The following CYP2S1 variants were observed in gnomAD, a reference collection of about 807,000 sequenced individuals.
CYP2S1 encodes cytochrome P450 2S1.
CYP2S1 carries 32 observed loss-of-function variants against 43.5 expected under a neutral mutation model. That is an observed-to-expected ratio of 0.74 (90% CI 0.56 to 0.99). The LOEUF is 0.99. Among genes scored for constraint, CYP2S1 ranks in the 50% least tolerant of loss-of-function variants. The pLI is 0.00. For missense variants in CYP2S1, 575 were observed against 673.9 expected, an observed-to-expected ratio of 0.85 and a Z score of 1.62; for synonymous variants, 283 against 302.9, an observed-to-expected ratio of 0.93 and a Z score of 0.68.
rs748581103 is a variant in CYP2S1 at position 41,206,714 on chromosome 19, G to T, written c.*226G>T. ...CAACTACAAGGGCCACAAAGCAACT[G>T]CTGGGTTAGCTTTCCACAGACATAA... On this transcript the variant is annotated 3_prime_UTR_variant, in exon 9 of 9. Coordinates refer to ENST00000310054, the MANE Select transcript of CYP2S1 (RefSeq NM_030622.8). 1.3e-6 allele frequency: 1 copy of T among 758,746 alleles called. No individual in the cohort carries two copies. Among genetic ancestry groups the T allele is most frequent in the Non-Finnish European group, 2.4e-6 (1 of 416,086 alleles). The allele number at this position is 758,746 out of a possible 1,614,324, so 47.0% of individuals were successfully genotyped here.
chr19:41,202,487 G>C (rs2033502395), intron 6 of CYP2S1, among the ~76,000 whole-genome samples: 1 of 152,116 alleles, frequency 6.6e-6, no homozygotes, highest in African/African-American at 2.4e-5. Context: ...GGGTGCTATG[G>C]GAATTAAGAA....
intron 1 of CYP2S1, chr19:41,193,843 GA>G: frequency 5.9e-6 from 1 of 169,906 alleles, no homozygotes; most frequent in Non-Finnish European, 1.2e-5. Context: ...GCACAAAGAA[GA>G]AAAGGGGGAG....
At chr19:41,195,654 C>G (rs758551930) in intron 2 of CYP2S1, among the ~76,000 whole-genome samples, 1 of 152,014 alleles carries the variant, frequency 6.6e-6, no homozygotes, top group Non-Finnish European at 1.5e-5. Flanking sequence ...GAGAGGCTGT[C>G]GGAGCTGAGA....
Position 41,206,667 on chromosome 19 carries a change from T to A in CYP2S1, c.*179T>A, listed in dbSNP as rs2122173059. The A allele has an allele frequency of 1.2e-6, 1 of 842,192 alleles. No individual in the cohort carries two copies. The highest frequency in any genetic ancestry group is 2.4e-5 in the East Asian group (1 of 41,470). 52.2% of individuals were successfully genotyped at this position (842,192 alleles called of 1,614,324 possible). A position where few individuals can be genotyped will look rare whatever the true frequency, so the allele number is the denominator to read the frequency against. On this transcript the variant is annotated 3_prime_UTR_variant, in exon 9 of 9. Transcript: ENST00000310054. ...GCTCACTTGACTCATGCTGCTAAGA[T>A]GCACAACCGCACACCCATACACAAC...
At chr19:41,195,730 A>C (rs2033404096) in intron 2 of CYP2S1, among the ~76,000 whole-genome samples, 1 of 152,120 alleles carries the variant, frequency 6.6e-6, no homozygotes, top group African/African-American at 2.4e-5. Flanking sequence ...CATGACTTTG[A>C]GAGAAGCATT....
chr19:41,195,150 GGATTGAGT>G (rs1199825985), intron 2 of CYP2S1, among the ~76,000 whole-genome samples: 3 of 152,118 alleles, frequency 2.0e-5, no homozygotes, highest in Non-Finnish European at 1.5e-5. Context: ...CCATCATGTA[GGATTGAGT>G]GATTGAGTGA....
intron 6 of CYP2S1, among the ~76,000 whole-genome samples, chr19:41,201,687 G>A (rs994776003): frequency 6.6e-6 from 1 of 151,884 alleles, no homozygotes; most frequent in Non-Finnish European, 1.5e-5. Context: ...CTGGGCGACA[G>A]AGCGAGACAC....
At chr19:41,193,864 C>A (rs551372761) in intron 1 of CYP2S1, 46 of 160,860 alleles carry the variant, frequency 2.9e-4, no homozygotes, top group Non-Finnish European at 5.5e-4. Context: ...GGCGTCCCTG[C>A]GGGGAGTTGG....
chr19:41,196,350 G>A (rs1045463585), intron 2 of CYP2S1, among the ~76,000 whole-genome samples: 1 of 152,184 alleles, frequency 6.6e-6, no homozygotes, highest in Non-Finnish European at 1.5e-5. Context: ...TGTGAGTCAC[G>A]TCAGAGTGTT....
intron 2 of CYP2S1, among the ~76,000 whole-genome samples, chr19:41,196,357 T>A (rs1351578817): frequency 6.6e-6 from 1 of 151,246 alleles, no homozygotes; most frequent in Non-Finnish European, 1.5e-5. Flanking sequence ...CACGTCAGAG[T>A]GTTTGGGCTT....
Position 41,206,572 on chromosome 19 carries a change from A to C in CYP2S1, c.*84A>C. 6.6e-7 allele frequency: 1 copy of C among 1,522,268 alleles called. No homozygotes were observed. The highest frequency in any genetic ancestry group is 9.1e-7 in the Non-Finnish European group (1 of 1,099,364). 94.3% of individuals were successfully genotyped at this position (1,522,268 alleles called of 1,614,324 possible). ...GCATGGACAGGGTTAATGTCTCCAGAGTGTACACTGCAGGCAGCCACATTT... is the reference window on the plus strand; with the variant it reads ...GCATGGACAGGGTTAATGTCTCCAGCGTGTACACTGCAGGCAGCCACATTT... On this transcript the variant is annotated 3_prime_UTR_variant, in exon 9 of 9. Transcript: ENST00000310054.
rs1217906454 is a variant in CYP2S1, at chr19:41,194,688, G to C, written c.322G>C (p.Glu108Gln). The C allele has an allele frequency of 1.9e-6, 3 of 1,612,116 alleles. No individual in the cohort carries two copies. The South Asian group carries it at 3.3e-5, about 18-fold the overall frequency. ...FSGRGTVAMLEGTFDGHGVFF... is the reference protein window; with the variant it reads ...FSGRGTVAMLQGTFDGHGVFF... ...CGGCCGGGGAACCGTAGCGATGCTG[G>C]AAGGGACTTTTGATGGCCATGGTAA... is the stretch of plus-strand genomic sequence containing the variant. The change falls in exon 2 of 9, where the codon GAA becomes CAA. Residue 108 changes from glutamate (E) to glutamine (Q), a missense_variant. Physicochemically the swap from Glu to Gln is conservative, Grantham distance 29. Around this residue, in one of 2 missense-constraint regions of CYP2S1, gnomAD observed 353 missense variants for 367.6 expected, o/e 0.96. Coordinates refer to ENST00000310054, the MANE Select transcript of CYP2S1 (RefSeq NM_030622.8).
chr19:41,197,490 G>A (rs565604151), intron 2 of CYP2S1, among the ~76,000 whole-genome samples: 7 of 152,178 alleles, frequency 4.6e-5, no homozygotes, highest in African/African-American at 1.4e-4. Context: ...CACAAGGTCA[G>A]GAGATCGAGA....
chr19:41,198,027 C>T lies in CYP2S1; in HGVS notation c.493+99C>T, dbSNP rs2033437419. The T allele has an allele frequency of 6.9e-7, 1 of 1,453,326 alleles. No homozygotes were observed. Among genetic ancestry groups the T allele is most frequent in the Admixed American group, 2.6e-5 (1 of 37,770 alleles). The allele number at this position is 1,453,326 out of a possible 1,614,324, so 90.0% of individuals were successfully genotyped here. ...GCCCCAACCCAGGTCCTGGAATGGG[C>T]AGGAGGGGAAGCCTTGAACTCTAGG... On this transcript the variant is annotated intron_variant, in intron 3 of 8. Coordinates refer to ENST00000310054, the MANE Select transcript of CYP2S1 (RefSeq NM_030622.8). The surrounding 1 kb of genome is among the most constrained non-coding windows in gnomAD (Gnocchi z 4.9).
chr19:41,205,325 C>CTTTT (rs2033548472), intron 7 of CYP2S1, among the ~76,000 whole-genome samples: 1 of 116,322 alleles, frequency 8.6e-6, no homozygotes, highest in Non-Finnish European at 2.0e-5. Flanking sequence ...CTATTCTTTG[C>CTTTT]CTTTCTTTCT....
In CYP2S1 at chr19:41,194,665, G is replaced by T. The variant is rs201821032; in HGVS notation, c.299G>T (p.Gly100Val). Residue 100 changes from glycine to valine, a missense_variant, in exon 2 of 9, where the codon GGC becomes GTC. Gly to Val is a moderately radical substitution (Grantham distance 109). Around this residue, in one of 2 missense-constraint regions of CYP2S1, gnomAD observed 353 missense variants for 367.6 expected, o/e 0.96. Transcript: ENST00000310054. ...ALGGQAEEFS[G>V]RGTVAMLEGT... Reference sequence around the variant, plus strand: ...GGAGGTCAGGCTGAGGAGTTCAGCGGCCGGGGAACCGTAGCGATGCTGGAA... The same window carrying T: ...GGAGGTCAGGCTGAGGAGTTCAGCGTCCGGGGAACCGTAGCGATGCTGGAA... The T allele has an allele frequency of 1.2e-6, 2 of 1,612,536 alleles. No homozygotes were observed. The highest frequency in any genetic ancestry group is 4.5e-5 in the East Asian group (2 of 44,812).
At chr19:41,194,472 A>AG (rs1402233298) in intron 1 of CYP2S1, 72 bp from the exon 2 acceptor site, 14 of 1,474,572 alleles carry the variant, frequency 9.5e-6, no homozygotes, top group African/African-American at 1.4e-5. Context: ...CTCAAGTGAC[A>AG]GGGGCCATGA....
chr19:41,204,773 T>A (rs1051890725), intron 7 of CYP2S1, among the ~76,000 whole-genome samples: 1 of 151,556 alleles, frequency 6.6e-6, no homozygotes, highest in Non-Finnish European at 1.5e-5. Flanking sequence ...AATTTTTGTC[T>A]TTTTAGTAGA....
intron 2 of CYP2S1, among the ~76,000 whole-genome samples, chr19:41,196,378 T>C (rs1328607300): frequency 6.6e-6 from 1 of 152,120 alleles, no homozygotes. Flanking sequence ...TTGTTTTTCC[T>C]GGGAGCAGTC....
Sources: allele counts gnomAD v4.1 joint callset (sites outside exome capture counted in the v4.1 genomes callset), GRCh38; gene constraint gnomAD v4.1.1; regional missense constraint gnomAD v4.1.1; non-coding constraint Gnocchi (gnomAD v3.1); transcripts MANE v1.5; gene names NCBI Gene and HGNC (gene_info 2026-07-23, HGNC 2026-07-21).